Variants in CEP112 observed in about 807,000 individuals in gnomAD.
CEP112 encodes centrosomal protein of 112 kDa.
CEP112 carries 127 observed loss-of-function variants against 153.0 expected under a neutral mutation model. The ratio of observed to expected loss-of-function variants is 0.83; its 90% confidence interval spans 0.72 to 0.96. CEP112 has a LOEUF of 0.96. Ranked by LOEUF, CEP112 falls within the 40% of genes least tolerant of loss-of-function variation. CEP112 has a pLI of 0.00. For missense variants in CEP112, 1,089 were observed against 1,101.2 expected (o/e 0.99, Z 0.16); for synonymous variants, 358 against 374.4 (o/e 0.96, Z 0.51).
intron 21 of CEP112, among the ~76,000 whole-genome samples, chr17:65,836,666 T>C (rs1207621757): frequency 6.6e-6 from 1 of 152,214 alleles, no homozygotes; most frequent in Non-Finnish European, 1.5e-5. Flanking sequence ...AGAGACTGAC[T>C]GCAATGCAAT....
intron 20 of CEP112, among the ~76,000 whole-genome samples, chr17:65,885,568 G>T (rs1206072659): frequency 6.6e-6 from 1 of 152,148 alleles, no homozygotes; most frequent in Non-Finnish European, 1.5e-5. Flanking sequence ...ACTGCAAGAA[G>T]AATATGTAAT....
chr17:65,656,371 G>C (rs1254662318), intron 24 of CEP112, among the ~76,000 whole-genome samples: 1 of 152,158 alleles, frequency 6.6e-6, no homozygotes, highest in Non-Finnish European at 1.5e-5. Flanking sequence ...CCCTGTCTTT[G>C]GATTTTTCAG....
intron 4 of CEP112, among the ~76,000 whole-genome samples, chr17:66,171,005 C>A (rs939895864): frequency 6.6e-6 from 1 of 152,064 alleles, no homozygotes; most frequent in South Asian, 2.1e-4. Flanking sequence ...ATAATGTATA[C>A]TTGGTGGAAA....
intron 4 of CEP112, among the ~76,000 whole-genome samples, chr17:66,166,799 G>A (rs1458529351): frequency 6.6e-6 from 1 of 151,750 alleles, no homozygotes; most frequent in African/African-American, 2.4e-5. Context: ...AGCTACTCAG[G>A]AGGCTGAGGC....
At chr17:65,730,113 C>A (rs1282351533) in intron 23 of CEP112, among the ~76,000 whole-genome samples, 1 of 152,202 alleles carries the variant, frequency 6.6e-6, no homozygotes, top group Non-Finnish European at 1.5e-5. Context: ...CCTTAACGTA[C>A]ACAAGGCAAT....
At chr17:65,878,016 T>C (rs1036179942) in intron 20 of CEP112, among the ~76,000 whole-genome samples, 1 of 152,174 alleles carries the variant, frequency 6.6e-6, no homozygotes. Flanking sequence ...GAGAACAGAA[T>C]AGGCAACTCC....
chr17:65,673,866 T>A (rs1442983749), intron 24 of CEP112, among the ~76,000 whole-genome samples: 1 of 152,172 alleles, frequency 6.6e-6, no homozygotes, highest in African/African-American at 2.4e-5. Flanking sequence ...ACATACAGAC[T>A]ATGTAAAAAA....
intron 23 of CEP112, among the ~76,000 whole-genome samples, chr17:65,703,658 C>T (rs993180797): frequency 6.7e-6 from 1 of 149,748 alleles, no homozygotes; most frequent in African/African-American, 2.5e-5. Flanking sequence ...CCCAGCTCCA[C>T]ACATTGCCCT....
At chr17:65,713,835 G>A (rs192215017) in intron 23 of CEP112, among the ~76,000 whole-genome samples, 3 of 152,086 alleles carry the variant, frequency 2.0e-5, no homozygotes, top group South Asian at 2.1e-4. Flanking sequence ...TGATCCGCCC[G>A]CCTCGGCCTC....
chr17:66,076,374 T>TG (rs1298587582), intron 8 of CEP112, among the ~76,000 whole-genome samples: 1 of 151,952 alleles, frequency 6.6e-6, no homozygotes, highest in Non-Finnish European at 1.5e-5. Context: ...GGGGACATGG[T>TG]GGGGGTGAGA....
intron 4 of CEP112, among the ~76,000 whole-genome samples, chr17:66,136,628 G>A (rs989138469): frequency 1.3e-5 from 2 of 152,172 alleles, no homozygotes; most frequent in Admixed American, 6.5e-5. Flanking sequence ...CTGGTGGGAC[G>A]CAGCATAAAC....
chr17:66,014,638 T>C (rs1406101051), intron 16 of CEP112, among the ~76,000 whole-genome samples: 1 of 152,018 alleles, frequency 6.6e-6, no homozygotes, highest in African/African-American at 2.4e-5. Flanking sequence ...CTGCCAGGAT[T>C]CCAGAGGTCC....
intron 4 of CEP112, among the ~76,000 whole-genome samples, chr17:66,158,144 C>T (rs975185479): frequency 2.0e-5 from 3 of 152,134 alleles, no homozygotes; most frequent in Non-Finnish European, 2.9e-5. Context: ...GGAAGTAAAA[C>T]ACTCCTCAGC....
At chr17:65,902,118 GA>G (rs772544083) in intron 20 of CEP112, 33 bp downstream of exon 20, 1 of 1,532,762 alleles carries the variant, frequency 6.5e-7, no homozygotes, top group South Asian at 1.2e-5. Context: ...TTTAAAAACA[GA>G]TACCCGTTTT....
chr17:65,912,792 T>C (rs922773973), intron 19 of CEP112, among the ~76,000 whole-genome samples: 2 of 152,226 alleles, frequency 1.3e-5, no homozygotes, highest in Non-Finnish European at 2.9e-5. Context: ...TTTAAAGGAT[T>C]GGCCATTAAT....
intron 20 of CEP112, among the ~76,000 whole-genome samples, chr17:65,860,119 G>A (rs947608317): frequency 1.3e-5 from 2 of 151,734 alleles, no homozygotes; most frequent in Non-Finnish European, 2.9e-5. Flanking sequence ...AGAGCTTAGC[G>A]TGATGTCTGA....
At chr17:66,084,380 A>G (rs2067837879) in intron 8 of CEP112, among the ~76,000 whole-genome samples, 1 of 152,234 alleles carries the variant, frequency 6.6e-6, no homozygotes, top group Non-Finnish European at 1.5e-5. Context: ...TGCAGCACTA[A>G]TAACAATAGT....
At chr17:66,153,881 G>C (rs1299383160) in intron 4 of CEP112, among the ~76,000 whole-genome samples, 1 of 152,014 alleles carries the variant, frequency 6.6e-6, no homozygotes, top group Non-Finnish European at 1.5e-5. Flanking sequence ...TGGTGCCAAG[G>C]GCCGGGTGTG....
intron 18 of CEP112, among the ~76,000 whole-genome samples, chr17:65,940,356 C>T (rs1408428107): frequency 2.6e-5 from 4 of 152,108 alleles, no homozygotes; most frequent in Non-Finnish European, 5.9e-5. Context: ...AATAGAACTA[C>T]CATTTTTTCA....
Sources: gnomAD v4.1 joint callset for allele counts (sites outside exome capture counted in the v4.1 genomes callset) on GRCh38, gnomAD v4.1.1 for gene constraint, MANE v1.5 for transcripts, NCBI Gene and HGNC (gene_info 2026-07-23, HGNC 2026-07-21) for gene names.